Variants in HEG1 observed in about 807,000 individuals in gnomAD.
HEG1 encodes the protein protein HEG homolog 1.
In HEG1, 56 loss-of-function variants were observed where a neutral mutation model predicts 125.6. The observed-to-expected ratio is 0.45, with a 90% CI of 0.36 to 0.56. The LOEUF (loss-of-function observed/expected upper bound fraction) is 0.56. HEG1 is among the 20% of genes least tolerant of loss of function. The pLI is 0.00. For missense variants in HEG1, 1,523 were observed against 1,670.0 expected, an observed-to-expected ratio of 0.91 and a Z score of 1.53; for synonymous variants, 644 against 668.5, an observed-to-expected ratio of 0.96 and a Z score of 0.57.
chr3:124,972,494 A>G (rs1936464505), intron 16 of HEG1, among the ~76,000 whole-genome samples: 1 of 152,184 alleles, frequency 6.6e-6, no homozygotes, highest in Admixed American at 6.5e-5. Flanking sequence ...GAGTCCATGG[A>G]AATAAACAGC....
At position 125,027,411 on chromosome 3, in the gene HEG1, G is replaced by A. The variant is rs1397550445; in HGVS notation, c.707C>T (p.Thr236Ile). The change falls in exon 3 of 17, where the codon ACA becomes ATA. Residue 236 changes from threonine to isoleucine, a missense_variant. Coordinates refer to ENST00000311127, the MANE Select transcript of HEG1 (RefSeq NM_020733.2). ...TKSGTASEMG[T>I]ERAMGLSEEW... ...TTCTGACAGCCCCATCGCCCTCTCTGTTCCCATCTCCGAGGCTGTTCCACT... is the reference window on the plus strand; with the variant it reads ...TTCTGACAGCCCCATCGCCCTCTCTATTCCCATCTCCGAGGCTGTTCCACT... 6.2e-7 allele frequency: 1 copy of A among 1,614,024 alleles called. No homozygotes were observed. The highest frequency in any genetic ancestry group is 8.5e-7 in the Non-Finnish European group (1 of 1,179,894).
Position 125,049,490 on chromosome 3 carries a change from C to T in HEG1, c.316+6085G>A, listed in dbSNP as rs573702111. Among the ~76,000 whole-genome samples the T allele has an allele frequency of 2.2e-4, 34 of 152,328 alleles. No homozygotes were observed. In the East Asian group the frequency reaches 3.5e-3, roughly 16 times the overall value. On this transcript the variant is annotated intron_variant, in intron 1 of 16. Coordinates refer to ENST00000311127, the MANE Select transcript of HEG1 (RefSeq NM_020733.2). Reference sequence around the variant, plus strand: ...TGCCCCTCAGGGCTGAATCTGGCCCCGGCCTCCCTCTAGTTCAGTTCCACA... The same window carrying T: ...TGCCCCTCAGGGCTGAATCTGGCCCTGGCCTCCCTCTAGTTCAGTTCCACA...
chr3:125,045,709 TC>T, intron 1 of HEG1, among the ~76,000 whole-genome samples: 1 of 152,322 alleles, frequency 6.6e-6, no homozygotes, highest in South Asian at 2.1e-4. Context: ...GATGCCTGAC[TC>T]TCTTAGAGAC....
intron 12 of HEG1, 125 bp from the exon 13 acceptor site, chr3:124,991,111 T>C: frequency 2.9e-6 from 2 of 700,198 alleles, no homozygotes; most frequent in South Asian, 3.7e-5. Flanking sequence ...CAAACTGCTT[T>C]GGAATGATCC....
In HEG1 at chr3:125,055,662, T is replaced by C. The variant is rs1653214571; in HGVS notation, c.229A>G (p.Thr77Ala). ...GGGGCCCTGTAGCTGGGGCCGGGGGTCGCGGGCCCGCGGCGCTCCCGGGGC... is the reference window on the plus strand; with the variant it reads ...GGGGCCCTGTAGCTGGGGCCGGGGGCCGCGGGCCCGCGGCGCTCCCGGGGC... ...TPPRERRGPA[T>A]PGPSYRAPEP... Residue 77 changes from threonine to alanine, a missense_variant, in exon 1 of 17, where the codon ACC (threonine) becomes GCC (alanine). Coordinates refer to ENST00000311127, the MANE Select transcript of HEG1 (RefSeq NM_020733.2). 8.6e-7 allele frequency: 1 copy of C among 1,168,446 alleles called. No individual in the cohort carries two copies. The highest frequency in any genetic ancestry group is 4.2e-5 in the South Asian group (1 of 23,752). 72.4% of individuals were successfully genotyped at this position (1,168,446 alleles called of 1,614,324 possible).
At chr3:125,010,638 C>A in intron 6 of HEG1, 83 bp from the exon 7 acceptor site, 1 of 837,200 alleles carries the variant, frequency 1.2e-6, no homozygotes, top group Non-Finnish European at 1.9e-6. Context: ...ATTCTCCCAG[C>A]TAATATTTGA....
At chr3:125,053,827 T>C (rs746579227) in intron 1 of HEG1, among the ~76,000 whole-genome samples, 1 of 152,300 alleles carries the variant, frequency 6.6e-6, no homozygotes, top group East Asian at 1.9e-4. Context: ...TCCTCTAAGC[T>C]AGCTGCCTCC....
chr3:124,997,586 T>C (rs189225605), intron 12 of HEG1, 103 bp downstream of exon 12: 22 of 1,129,800 alleles, frequency 1.9e-5, no homozygotes, highest in Non-Finnish European at 2.5e-5. Flanking sequence ...CAGTTTAGAA[T>C]GGTCACGCCT....
At chr3:125,002,419 C>G in intron 9 of HEG1, 104 bp from the exon 10 acceptor site, 1 of 1,008,584 alleles carries the variant, frequency 9.9e-7, no homozygotes, top group South Asian at 1.5e-5. Flanking sequence ...TTCCAGCCAT[C>G]AAGTTATCAG....
chr3:125,052,619 A>G (rs1007411162), intron 1 of HEG1, among the ~76,000 whole-genome samples: 2 of 152,228 alleles, frequency 1.3e-5, no homozygotes, highest in Non-Finnish European at 2.9e-5. Context: ...TAAACTTTGC[A>G]TTCAGCTTAG....
chr3:125,010,797 T>C (rs1175124240), intron 6 of HEG1, among the ~76,000 whole-genome samples: 1 of 152,232 alleles, frequency 6.6e-6, no homozygotes, highest in Non-Finnish European at 1.5e-5. Flanking sequence ...CAAGAACTGA[T>C]TGTAATCAAA....
chr3:124,985,598 G>C (rs1936725135), intron 14 of HEG1, among the ~76,000 whole-genome samples: 1 of 152,124 alleles, frequency 6.6e-6, no homozygotes, highest in African/African-American at 2.4e-5. Flanking sequence ...TGGCAAATGG[G>C]ATATTTGCTG....
At chr3:124,971,618 A>C (rs568452248) in intron 16 of HEG1, among the ~76,000 whole-genome samples, 11 of 151,828 alleles carry the variant, frequency 7.2e-5, no homozygotes, top group Non-Finnish European at 1.3e-4. Flanking sequence ...CAACCTCCCG[A>C]GTAGCTGGGA....
chr3:125,004,933 G>C (rs1937051702), intron 9 of HEG1, among the ~76,000 whole-genome samples: 1 of 152,176 alleles, frequency 6.6e-6, no homozygotes, highest in Admixed American at 6.5e-5. Flanking sequence ...GGGACCGTAA[G>C]ATTTTTCTGG....
chr3:125,007,336 C>G (rs936528005), intron 8 of HEG1, among the ~76,000 whole-genome samples: 7 of 152,074 alleles, frequency 4.6e-5, no homozygotes, highest in African/African-American at 1.7e-4. Flanking sequence ...AAACCCTGCA[C>G]TCACTCCAGG....
chr3:125,001,951 G>C lies in HEG1; in HGVS notation c.3418C>G (p.Leu1140Val). 6.2e-7 allele frequency: 1 copy of C among 1,614,034 alleles called. No homozygotes were observed. Among genetic ancestry groups the C allele is most frequent in the South Asian group, 1.1e-5 (1 of 91,064 alleles). Residue 1140 changes from leucine (L) to valine (V), a missense_variant, in exon 11 of 17, where the codon CTA (leucine) becomes GTA (valine). Leu to Val is a conservative substitution (Grantham distance 32). Coordinates refer to ENST00000311127, the MANE Select transcript of HEG1 (RefSeq NM_020733.2). ...TTFSLASNVT[L>V]FDLADRMQKC... ...TGCATCCTATCAGCCAGGTCAAATA[G>C]CGTCACATTGGAGGCCAGGGAAAAG...
intron 11 of HEG1, among the ~76,000 whole-genome samples, chr3:124,999,987 C>T (rs527381847): frequency 6.6e-6 from 1 of 152,302 alleles, no homozygotes; most frequent in South Asian, 2.1e-4. Context: ...TAGCCCAGCA[C>T]TGCCCTTATG....
chr3:125,033,270 G>C (rs2107708998), intron 1 of HEG1, among the ~76,000 whole-genome samples: 1 of 152,294 alleles, frequency 6.6e-6, no homozygotes, highest in Admixed American at 6.5e-5. Flanking sequence ...TGTTGAGGCT[G>C]GCAGCTGCCC....
intron 1 of HEG1, among the ~76,000 whole-genome samples, chr3:125,053,002 C>A (rs1937846758): frequency 6.6e-6 from 1 of 152,254 alleles, no homozygotes; most frequent in Non-Finnish European, 1.5e-5. Flanking sequence ...CCCTGACTAC[C>A]AGCATCCCCA....
Sources: allele counts gnomAD v4.1 joint callset (sites outside exome capture counted in the v4.1 genomes callset), GRCh38; gene constraint gnomAD v4.1.1; transcripts MANE v1.5; gene names NCBI Gene and HGNC (gene_info 2026-07-23, HGNC 2026-07-21).